FBXL7: variants seen among roughly 807,000 people sequenced by gnomAD.
The protein encoded by FBXL7 is F-box/LRR-repeat protein 7.
In FBXL7, 12 loss-of-function variants were observed where a neutral mutation model predicts 38.3. The observed-to-expected ratio is 0.31, with a 90% CI of 0.20 to 0.51. The LOEUF (loss-of-function observed/expected upper bound fraction) is 0.51. Ranked by LOEUF, FBXL7 falls within the 20% of genes least tolerant of loss-of-function variation. The pLI is 0.98. For missense variants in FBXL7, 567 were observed against 676.4 expected (o/e 0.84, Z 1.79); for synonymous variants, 297 against 300.9 (o/e 0.99, Z 0.13).
At chr5:15,596,911 CA>C (rs1739641485) in intron 1 of FBXL7, among the ~76,000 whole-genome samples, 1 of 152,198 alleles carries the variant, frequency 6.6e-6, no homozygotes, top group Non-Finnish European at 1.5e-5. Flanking sequence ...CTATCCTTTG[CA>C]ATATCCTTTA....
intron 2 of FBXL7, among the ~76,000 whole-genome samples, chr5:15,825,275 T>C (rs756105779): frequency 6.4e-4 from 97 of 152,162 alleles, no homozygotes; most frequent in Non-Finnish European, 1.2e-3. Context: ...GTCACTCTTA[T>C]TCCTATATGA....
chr5:15,724,944 A>C (rs568424404), intron 2 of FBXL7, among the ~76,000 whole-genome samples: 7 of 152,278 alleles, frequency 4.6e-5, no homozygotes, highest in Admixed American at 1.3e-4. Context: ...AGTATATATA[A>C]ACAAAGAGGC....
At chr5:15,542,549 G>A (rs114741043) in intron 1 of FBXL7, among the ~76,000 whole-genome samples, 293 of 152,122 alleles carry the variant, frequency 1.9e-3, no homozygotes, top group Non-Finnish European at 3.6e-3. Flanking sequence ...AGGTTCATAC[G>A]ATCTTCTGTA....
chr5:15,838,832 T>C (rs1738659940), intron 2 of FBXL7, among the ~76,000 whole-genome samples: 1 of 152,172 alleles, frequency 6.6e-6, no homozygotes, highest in African/African-American at 2.4e-5. Flanking sequence ...CCCTTTCTAG[T>C]GCACACTGAG....
rs61608325 is a variant in FBXL7 at position 15,611,311 on chromosome 5, CTT to C, written c.38-4656_38-4655del. 8.4e-3 allele frequency among the ~76,000 whole-genome samples: 1,082 copies of C among 128,096 alleles called. 9 individuals carry two copies. The highest frequency in any genetic ancestry group is 0.026 in the African/African-American group (899 of 34,878). 84.0% of individuals were successfully genotyped at this position (128,096 alleles called of 152,430 possible). A position where few individuals can be genotyped will look rare whatever the true frequency, so the allele number is the denominator to read the frequency against. On this transcript the variant is annotated intron_variant, in intron 1 of 3. Coordinates refer to ENST00000504595, the MANE Select transcript of FBXL7 (RefSeq NM_012304.5). ...TCTTTTTGGGGTCCATGTTTTGCCA[CTT>C]TTTTTTTTTTTTTTTGCTTTTTGTA...
At chr5:15,746,972 G>A (rs1177463274) in intron 2 of FBXL7, among the ~76,000 whole-genome samples, 1 of 152,014 alleles carries the variant, frequency 6.6e-6, no homozygotes, top group Non-Finnish European at 1.5e-5. Context: ...CTGGCTTCCT[G>A]TACTTATCTT....
intron 1 of FBXL7, among the ~76,000 whole-genome samples, chr5:15,589,406 C>T (rs1739404411): frequency 6.6e-6 from 1 of 152,070 alleles, no homozygotes; most frequent in South Asian, 2.1e-4. Context: ...GCCTCCTCCT[C>T]CTCTCTCTTC....
At position 15,529,112 on chromosome 5, in the gene FBXL7, T is replaced by C. The variant is rs1305038285; in HGVS notation, c.37+28399T>C. Among the ~76,000 whole-genome samples, 4 of 152,186 alleles carry C rather than the reference T, an allele frequency of 2.6e-5. No homozygotes were observed. The South Asian group carries it at 8.3e-4, about 32-fold the overall frequency. On this transcript the variant is annotated intron_variant, in intron 1 of 3. Coordinates refer to ENST00000504595, the MANE Select transcript of FBXL7 (RefSeq NM_012304.5). ...CGGCACCTGGTAGCCACCATTCTGC[T>C]CTCTACTTCTGTGAGTTCAAATTTT...
Position 15,937,214 on chromosome 5 carries a change from TCA to T in FBXL7, c.*33_*34del, listed in dbSNP as rs1742222119. 2 of 1,543,890 alleles carry T rather than the reference TCA, an allele frequency of 1.3e-6. No individual in the cohort carries two copies. The highest frequency in any genetic ancestry group is 1.4e-5 in the African/African-American group (1 of 73,590). ...GGACAGAGTTCATCCGGCGTTGTAT[TCA>T]CACAAACCTGAACAAAGCAAATTTT... On this transcript the variant is annotated 3_prime_UTR_variant, in exon 4 of 4. Transcript: ENST00000504595.
At chr5:15,824,311 A>AAG (rs1738250591) in intron 2 of FBXL7, among the ~76,000 whole-genome samples, 1 of 149,542 alleles carries the variant, frequency 6.7e-6, no homozygotes, top group Non-Finnish European at 1.5e-5. Flanking sequence ...AAAAAAAAAA[A>AAG]GAGAAAAACG....
chr5:15,881,305 C>T (rs1282489627), intron 2 of FBXL7, among the ~76,000 whole-genome samples: 1 of 152,182 alleles, frequency 6.6e-6, no homozygotes, highest in East Asian at 1.9e-4. Flanking sequence ...AGTTACTTCA[C>T]TTAGAATAAT....
At chr5:15,806,953 C>A (rs1299620783) in intron 2 of FBXL7, among the ~76,000 whole-genome samples, 1 of 151,996 alleles carries the variant, frequency 6.6e-6, no homozygotes, top group African/African-American at 2.4e-5. Flanking sequence ...CTTTTCTTTT[C>A]TTTTCCTTTT....
chr5:15,807,861 G>A (rs969376476), intron 2 of FBXL7, among the ~76,000 whole-genome samples: 2 of 152,126 alleles, frequency 1.3e-5, no homozygotes, highest in African/African-American at 4.8e-5. Context: ...TTACAAGTAA[G>A]TAACACCTGA....
chr5:15,914,385 CAAA>C (rs57871930), intron 2 of FBXL7, among the ~76,000 whole-genome samples: 193 of 81,676 alleles, frequency 2.4e-3, no homozygotes, highest in Non-Finnish European at 3.7e-3. Flanking sequence ...GACTCCCTCT[CAAA>C]AAAAAAAAAA....
At chr5:15,764,834 T>C (rs1736544464) in intron 2 of FBXL7, among the ~76,000 whole-genome samples, 1 of 152,236 alleles carries the variant, frequency 6.6e-6, no homozygotes, top group African/African-American at 2.4e-5. Flanking sequence ...TGCCTTACCA[T>C]AATCTAGAGC....
chr5:15,929,229 C>G (rs1741974890), intron 3 of FBXL7, among the ~76,000 whole-genome samples: 1 of 152,234 alleles, frequency 6.6e-6, no homozygotes, highest in African/African-American at 2.4e-5. Flanking sequence ...CAGCACTCTT[C>G]TTACATCTGG....
chr5:15,506,646 G>C (rs773859389), intron 1 of FBXL7, among the ~76,000 whole-genome samples: 16 of 152,018 alleles, frequency 1.1e-4, no homozygotes, highest in Non-Finnish European at 2.4e-4. Context: ...GACAGGTTCT[G>C]GTGAGGGCCC....
At chr5:15,599,714 A>G (rs566630674) in intron 1 of FBXL7, among the ~76,000 whole-genome samples, 13 of 152,346 alleles carry the variant, frequency 8.5e-5, no homozygotes, top group African/African-American at 2.6e-4. Flanking sequence ...TAAGGGAGTC[A>G]GTGTGAAATT....
chr5:15,803,468 G>C (rs574603249), intron 2 of FBXL7, among the ~76,000 whole-genome samples: 6 of 152,162 alleles, frequency 3.9e-5, no homozygotes, highest in Non-Finnish European at 8.8e-5. Context: ...TGAATTTGGA[G>C]ATTGAAATTA....
Sources: allele counts gnomAD v4.1 joint callset (sites outside exome capture counted in the v4.1 genomes callset), GRCh38; gene constraint gnomAD v4.1.1; transcripts MANE v1.5; gene names NCBI Gene and HGNC (gene_info 2026-07-23, HGNC 2026-07-21).